CAMSAP2: variants seen among roughly 807,000 people sequenced by gnomAD.
The protein encoded by CAMSAP2 is calmodulin-regulated spectrin-associated protein 2.
CAMSAP2 carries 26 observed loss-of-function variants against 146.1 expected under a neutral mutation model. The ratio of observed to expected loss-of-function variants is 0.18; its 90% CI spans 0.13 to 0.25. The LOEUF is 0.25. CAMSAP2 is among the 10% of genes least tolerant of loss of function. The pLI, the probability that CAMSAP2 is intolerant of heterozygous loss-of-function variation, is 1.00. For missense variants in CAMSAP2, 1,381 were observed against 1,759.3 expected (o/e 0.78, Z 3.85); for synonymous variants, 499 against 596.6 (o/e 0.84, Z 2.38).
At chr1:200,808,128 A>AGTG (rs1666232393) in intron 3 of CAMSAP2, among the ~76,000 whole-genome samples, 3 of 152,224 alleles carry the variant, frequency 2.0e-5, no homozygotes, top group Non-Finnish European at 4.4e-5. Flanking sequence ...AACTATACAC[A>AGTG]GTGGGTGTTC....
intron 6 of CAMSAP2, among the ~76,000 whole-genome samples, chr1:200,839,172 CAA>C (rs1398451508): frequency 6.6e-6 from 1 of 152,180 alleles, no homozygotes; most frequent in African/African-American, 2.4e-5. Context: ...TCAGGAATAT[CAA>C]ATGCAGCTGA....
rs981390076 is a variant in CAMSAP2, at chr1:200,854,841, T to C, written c.3848T>C (p.Leu1283Pro). Reference sequence around the variant, plus strand: ...GTCTCTAGCCTTTCTTTGGCATCGCTGAACACGGGTGATAACGAGAGTGTA... The same window carrying C: ...GTCTCTAGCCTTTCTTTGGCATCGCCGAACACGGGTGATAACGAGAGTGTA... ...PPVSSLSLAS[L>P]NTGDNESVHS... The change falls in exon 14 of 17, where the codon CTG becomes CCG. Residue 1283 changes from leucine to proline, a missense_variant. Coordinates refer to ENST00000358823, the MANE Select transcript of CAMSAP2 (RefSeq NM_203459.4). 6.2e-6 allele frequency: 10 copies of C among 1,611,732 alleles called. No individual in the cohort carries two copies. The highest frequency in any genetic ancestry group is 8.5e-6 in the Non-Finnish European group (10 of 1,178,944).
chr1:200,799,142 G>A (rs1440349903), intron 2 of CAMSAP2, among the ~76,000 whole-genome samples: 1 of 152,090 alleles, frequency 6.6e-6, no homozygotes, highest in African/African-American at 2.4e-5. Context: ...TTTTTGTTGT[G>A]TCTTTGCCAG....
At chr1:200,782,670 A>G (rs1665469973) in intron 2 of CAMSAP2, among the ~76,000 whole-genome samples, 1 of 151,822 alleles carries the variant, frequency 6.6e-6, no homozygotes, top group South Asian at 2.1e-4. Context: ...TGTGAATACC[A>G]CAATTTGCTT....
intron 4 of CAMSAP2, among the ~76,000 whole-genome samples, chr1:200,818,002 T>A (rs949610478): frequency 3.9e-5 from 6 of 152,230 alleles, no homozygotes; most frequent in Non-Finnish European, 7.3e-5. Flanking sequence ...CTTCCCTTTC[T>A]CTTTTTCATA....
At chr1:200,817,151 CACACATACACACACGTGTGTGTAT>C (rs1294746656) in intron 4 of CAMSAP2, among the ~76,000 whole-genome samples, 5 of 113,342 alleles carry the variant, frequency 4.4e-5, no homozygotes, top group Middle Eastern at 4.7e-3. Context: ...TATACACATA[CACACATACACACACGTGTGTGTAT>C]ATACACACAC....
Position 200,847,622 on chromosome 1 carries a change from T to G in CAMSAP2, c.1193-18T>G. On this transcript the variant is annotated intron_variant, in intron 9 of 16. Transcript: ENST00000358823. ...TTTTTACATGATTTCAATGGCTTTT[T>G]CTTTTTTGCATTTGAAGGAGGAATT... 6.2e-7 allele frequency: 1 copy of G among 1,600,760 alleles called. No homozygotes were observed. The highest frequency in any genetic ancestry group is 1.1e-5 in the South Asian group (1 of 89,064).
At chr1:200,743,433 T>A (rs554532766) in intron 1 of CAMSAP2, among the ~76,000 whole-genome samples, 1 of 152,270 alleles carries the variant, frequency 6.6e-6, no homozygotes, top group Non-Finnish European at 1.5e-5. Flanking sequence ...CTGACTCTTG[T>A]GCATATATGA....
rs561883506 is a variant in CAMSAP2 at position 200,815,984 on chromosome 1, C to A, written c.645+340C>A. Among the ~76,000 whole-genome samples, 3 of 152,268 alleles carry A rather than the reference C, an allele frequency of 2.0e-5. No individual in the cohort carries two copies. The East Asian group carries it at 5.8e-4, about 29-fold the overall frequency. On this transcript the variant is annotated intron_variant, in intron 4 of 16. Coordinates refer to ENST00000358823, the MANE Select transcript of CAMSAP2 (RefSeq NM_203459.4). Reference sequence around the variant, plus strand: ...TATAATGACATGCAATGCAGCAAGACCAACATTTAAAACAAAATTCCCAGA... The same window carrying A: ...TATAATGACATGCAATGCAGCAAGAACAACATTTAAAACAAAATTCCCAGA...
At chr1:200,818,424 G>A (rs1211366788) in intron 4 of CAMSAP2, among the ~76,000 whole-genome samples, 5 of 152,134 alleles carry the variant, frequency 3.3e-5, no homozygotes, top group Admixed American at 1.3e-4. Flanking sequence ...ATGGGTGACT[G>A]AGTGAATAAA....
At chr1:200,807,319 A>T in intron 2 of CAMSAP2, 57 bp from the exon 3 acceptor site, 9 of 1,337,590 alleles carry the variant, frequency 6.7e-6, no homozygotes, top group South Asian at 4.0e-5. Context: ...CAAAATATGT[A>T]AAAAGCAATT....
intron 1 of CAMSAP2, among the ~76,000 whole-genome samples, chr1:200,756,493 G>A (rs2364687): frequency 0.87 from 132,627 of 152,028 alleles, 58,012 homozygotes; most frequent in Middle Eastern, 0.93. Context: ...AGTAAGTGGT[G>A]AAATTAGGAC....
chr1:200,852,030 A>G (rs1166436380), intron 11 of CAMSAP2, among the ~76,000 whole-genome samples: 1 of 152,228 alleles, frequency 6.6e-6, no homozygotes, highest in African/African-American at 2.4e-5. Flanking sequence ...CTTCAATGGA[A>G]AAATGTTCAT....
intron 1 of CAMSAP2, among the ~76,000 whole-genome samples, chr1:200,760,404 A>G (rs964462111): frequency 2.0e-5 from 3 of 152,208 alleles, no homozygotes; most frequent in Non-Finnish European, 4.4e-5. Context: ...AACTGGGCAG[A>G]TGATTTTGTA....
Position 200,858,114 on chromosome 1 carries a change from C to A in CAMSAP2, c.*55C>A. On this transcript the variant is annotated 3_prime_UTR_variant, in exon 17 of 17. Coordinates refer to ENST00000358823, the MANE Select transcript of CAMSAP2 (RefSeq NM_203459.4). ...CATGGTAAATTTGCACTTCATCTTTCCTGCCTATAGAAAATCTTTCTAATT... is the reference window on the plus strand; with the variant it reads ...CATGGTAAATTTGCACTTCATCTTTACTGCCTATAGAAAATCTTTCTAATT... 7.1e-7 allele frequency: 1 copy of A among 1,418,262 alleles called. No homozygotes were observed. The highest frequency in any genetic ancestry group is 9.5e-7 in the Non-Finnish European group (1 of 1,051,844). 87.9% of individuals were successfully genotyped at this position (1,418,262 alleles called of 1,614,324 possible). A position where few individuals can be genotyped will look rare whatever the true frequency, so the allele number is the denominator to read the frequency against.
In CAMSAP2 at chr1:200,812,023, A is replaced by G. The variant is rs140910753; in HGVS notation, c.562-3538A>G. Among the ~76,000 whole-genome samples, 819 of 152,200 alleles carry G rather than the reference A, an allele frequency of 5.4e-3. 5 individuals carry two copies. The highest frequency in any genetic ancestry group is 9.0e-3 in the Non-Finnish European group (609 of 68,006). On this transcript the variant is annotated intron_variant, in intron 3 of 16. Transcript: ENST00000358823. ...GCTTGGATAGCACTTTTTCCTGACA[A>G]CCTTATCTAAATGAAGTGCCTCTAT...
Position 200,853,390 on chromosome 1 carries a change from G to C in CAMSAP2, c.3718G>C (p.Val1240Leu). The C allele has an allele frequency of 1.9e-6, 3 of 1,613,734 alleles. No individual in the cohort carries two copies. The highest frequency in any genetic ancestry group is 3.3e-4 in the Middle Eastern group (2 of 6,046). Reference protein sequence around the residue: ...QLKLMEDMDTVIKPRPQVVKQ... With the variant: ...QLKLMEDMDTLIKPRPQVVKQ... ...GAAACTAATGGAAGATATGGATACA[G>C]TAATTAAACCCCGTCCTCAAGTAGT... The change falls in exon 13 of 17, where the codon GTA becomes CTA. Residue 1240 changes from valine (V) to leucine (L), a missense_variant. Physicochemically the swap from Val to Leu is conservative, Grantham distance 32. Around this residue, in one of 4 missense-constraint regions of CAMSAP2, gnomAD observed 560 missense variants for 715.9 expected, o/e 0.78. Transcript: ENST00000358823. This position sits in a 1 kb window ranked among gnomAD's most constrained non-coding sequence, Gnocchi z 5.1.
chr1:200,753,323 A>C (rs1053645363), intron 1 of CAMSAP2, among the ~76,000 whole-genome samples: 2 of 148,946 alleles, frequency 1.3e-5, no homozygotes, highest in Non-Finnish European at 3.0e-5. Context: ...AAAAAGATAG[A>C]GCACCCTTAG....
At chr1:200,817,183 C>CACATATGTGTGTGTGTATACACACAT (rs1558192066) in intron 4 of CAMSAP2, among the ~76,000 whole-genome samples, 1 of 66,322 alleles carries the variant, frequency 1.5e-5, no homozygotes, top group Non-Finnish European at 2.7e-5. Flanking sequence ...TATATACACA[C>CACATATGTGTGTGTGTATACACACAT]ACACACATGT....
Sources: allele counts gnomAD v4.1 joint callset (sites outside exome capture counted in the v4.1 genomes callset), GRCh38; gene constraint gnomAD v4.1.1; regional missense constraint gnomAD v4.1.1; non-coding constraint Gnocchi (gnomAD v3.1); transcripts MANE v1.5; gene names NCBI Gene and HGNC (gene_info 2026-07-23, HGNC 2026-07-21).